The following SUGCT variants were observed in gnomAD, a reference collection of about 807,000 sequenced individuals.
The protein encoded by SUGCT is succinyl-CoA:glutarate-CoA transferase, also known as succinyl-CoA:glutarate CoA-transferase.
Under a neutral mutation model 55.0 loss-of-function variants are expected in SUGCT, and 41 were observed. That is an observed-to-expected ratio of 0.74 (90% CI 0.58 to 0.97). SUGCT has a LOEUF of 0.97. Among genes scored for constraint, SUGCT ranks in the 50% least tolerant of loss-of-function variants. The pLI is 0.00. For missense variants in SUGCT, 568 were observed against 547.8 expected (o/e 1.04, Z -0.37); for synonymous variants, 187 against 200.4 (o/e 0.93, Z 0.56).
At chr7:40,246,533 G>A (rs931132784) in intron 7 of SUGCT, among the ~76,000 whole-genome samples, 38 of 151,724 alleles carry the variant, frequency 2.5e-4, no homozygotes, top group African/African-American at 8.0e-4. Context: ...TTACAGATGT[G>A]AGCCACCTCA....
At chr7:40,654,109 CACTG>C (rs1225675846) in intron 12 of SUGCT, among the ~76,000 whole-genome samples, 1 of 152,030 alleles carries the variant, frequency 6.6e-6, no homozygotes, top group African/African-American at 2.4e-5. Flanking sequence ...ATCTCACAAA[CACTG>C]AATAGCATTG....
At chr7:40,985,679 C>T in the SUGCT span, among the ~76,000 whole-genome samples, 3 of 152,090 alleles carry the variant, frequency 2.0e-5, no homozygotes, top group African/African-American at 7.2e-5. Context: ...AATAGACCAC[C>T]ATAGTATGAA....
At chr7:40,997,488 GTTCA>G in the SUGCT span, among the ~76,000 whole-genome samples, 5 of 152,044 alleles carry the variant, frequency 3.3e-5, no homozygotes, top group Admixed American at 6.6e-5. Flanking sequence ...ACTGCTCATG[GTTCA>G]CTTACCACCA....
chr7:40,334,579 G>T (rs754378951), intron 9 of SUGCT, among the ~76,000 whole-genome samples: 2 of 152,076 alleles, frequency 1.3e-5, no homozygotes, highest in African/African-American at 2.4e-5. Flanking sequence ...CATATCCTTC[G>T]CTCACTTTTT....
intron 7 of SUGCT, among the ~76,000 whole-genome samples, chr7:40,272,535 T>G (rs1426312012): frequency 6.6e-6 from 1 of 151,750 alleles, no homozygotes; most frequent in South Asian, 2.1e-4. Flanking sequence ...ATATTTCCGC[T>G]GTTGTCAATA....
the SUGCT span, among the ~76,000 whole-genome samples, chr7:40,974,802 G>A: frequency 6.6e-6 from 1 of 152,124 alleles, no homozygotes; most frequent in African/African-American, 2.4e-5. Context: ...GTGAATTAAG[G>A]AAAGTACATT....
At chr7:40,407,543 A>G (rs1786441173) in intron 9 of SUGCT, among the ~76,000 whole-genome samples, 1 of 152,136 alleles carries the variant, frequency 6.6e-6, no homozygotes. Flanking sequence ...AAGCTTCAGT[A>G]CTAAGAAGAA....
chr7:40,218,080 G>C (rs550596891), intron 6 of SUGCT, among the ~76,000 whole-genome samples: 1 of 152,238 alleles, frequency 6.6e-6, no homozygotes, highest in African/African-American at 2.4e-5. Context: ...TGGGCATGGT[G>C]GTGTGCACCT....
the SUGCT span, among the ~76,000 whole-genome samples, chr7:40,903,543 G>A: frequency 6.6e-6 from 1 of 152,138 alleles, no homozygotes; most frequent in African/African-American, 2.4e-5. Context: ...CTGGTGCCAA[G>A]TCACTTCTGG....
chr7:40,589,742 A>G (rs1407747401), intron 12 of SUGCT, among the ~76,000 whole-genome samples: 1 of 152,220 alleles, frequency 6.6e-6, no homozygotes, highest in African/African-American at 2.4e-5. Flanking sequence ...TAATATCTCC[A>G]TAAATATATT....
At chr7:40,676,893 A>G (rs1169063629) in intron 12 of SUGCT, among the ~76,000 whole-genome samples, 1 of 88,340 alleles carries the variant, frequency 1.1e-5, no homozygotes, top group Non-Finnish European at 2.2e-5. Flanking sequence ...TTTCAGAATG[A>G]CGTGTGTGTG....
At chr7:40,210,436 T>C (rs551189205) in intron 6 of SUGCT, among the ~76,000 whole-genome samples, 6 of 152,194 alleles carry the variant, frequency 3.9e-5, no homozygotes, top group African/African-American at 1.2e-4. Context: ...ATGATTCCAT[T>C]AAGCTGTATG....
At chr7:40,404,969 T>C (rs1786280528) in intron 9 of SUGCT, among the ~76,000 whole-genome samples, 1 of 152,106 alleles carries the variant, frequency 6.6e-6, no homozygotes, top group African/African-American at 2.4e-5. Flanking sequence ...GGGCTTTAGG[T>C]TGAAACACAA....
At chr7:40,148,781 G>A (rs1056651632) in intron 1 of SUGCT, among the ~76,000 whole-genome samples, 1 of 152,222 alleles carries the variant, frequency 6.6e-6, no homozygotes, top group African/African-American at 2.4e-5. Context: ...ATGGGAACCG[G>A]GAGAGAAGAG....
At chr7:40,839,844 G>A (rs1001508303) in intron 13 of SUGCT, among the ~76,000 whole-genome samples, 2 of 152,092 alleles carry the variant, frequency 1.3e-5, no homozygotes, top group Non-Finnish European at 2.9e-5. Flanking sequence ...TCTACAGTAA[G>A]TTTGACTCCC....
At chr7:40,916,179 A>G in the SUGCT span, among the ~76,000 whole-genome samples, 1 of 151,998 alleles carries the variant, frequency 6.6e-6, no homozygotes, top group Non-Finnish European at 1.5e-5. Flanking sequence ...GGTGGTTGCT[A>G]TTTGTTTCTC....
At chr7:40,468,983 C>A (rs1391927661) in intron 11 of SUGCT, among the ~76,000 whole-genome samples, 3 of 152,156 alleles carry the variant, frequency 2.0e-5, no homozygotes, top group African/African-American at 7.2e-5. Context: ...TTGCCAAGGG[C>A]TGAGAGGTTA....
At chr7:41,032,383 T>C in the SUGCT span, among the ~76,000 whole-genome samples, 1 of 152,046 alleles carries the variant, frequency 6.6e-6, no homozygotes, top group Non-Finnish European at 1.5e-5. Flanking sequence ...CAGACAATTC[T>C]CACCAGTGAG....
At chr7:40,377,254 C>T (rs12670439) in intron 9 of SUGCT, among the ~76,000 whole-genome samples, 4,870 of 9,168 alleles carry the variant, frequency 0.53, 2,049 homozygotes, top group East Asian at 0.97. Context: ...TTCCTTCTTT[C>T]TTTTTTGAGA....
Sources: allele counts gnomAD v4.1 joint callset (sites outside exome capture counted in the v4.1 genomes callset), GRCh38; gene constraint gnomAD v4.1.1; transcripts MANE v1.5; gene names NCBI Gene and HGNC (gene_info 2026-07-23, HGNC 2026-07-21).